ST18: variants seen among roughly 807,000 people sequenced by gnomAD.
ST18 encodes suppression of tumorigenicity 18 protein.
ST18 carries 50 observed loss-of-function variants against 110.0 expected under a neutral mutation model. The observed-to-expected ratio is 0.45, with a 90% CI of 0.36 to 0.58. The LOEUF (loss-of-function observed/expected upper bound fraction) is 0.58, where lower values mean the gene tolerates loss of function less well. ST18 is among the 20% of genes least tolerant of loss of function. The pLI, the probability that ST18 is intolerant of heterozygous loss-of-function variation, is 0.00. For missense variants in ST18, 1,306 were observed against 1,280.1 expected, an observed-to-expected ratio of 1.02 and a Z score of -0.31; for synonymous variants, 461 against 452.4, an observed-to-expected ratio of 1.02 and a Z score of -0.24.
At chr8:52,252,684 A>G (rs955219631) in intron 2 of ST18, among the ~76,000 whole-genome samples, 4 of 152,154 alleles carry the variant, frequency 2.6e-5, no homozygotes, top group Admixed American at 2.0e-4. Context: ...TACAACTAAA[A>G]AAGAGTGAAT....
intron 2 of ST18, among the ~76,000 whole-genome samples, chr8:52,309,576 A>T (rs1002148600): frequency 6.7e-6 from 1 of 149,278 alleles, no homozygotes; most frequent in Non-Finnish European, 1.5e-5. Flanking sequence ...ACTATGAAAT[A>T]TGAGTATTTT....
At chr8:52,319,919 G>A (rs1052510001) in intron 2 of ST18, among the ~76,000 whole-genome samples, 3 of 152,096 alleles carry the variant, frequency 2.0e-5, no homozygotes, top group Non-Finnish European at 2.9e-5. Flanking sequence ...ATTCCAAGAC[G>A]AACGGGTGGA....
At chr8:52,130,011 A>G (rs868617771) in intron 22 of ST18, among the ~76,000 whole-genome samples, 1 of 151,398 alleles carries the variant, frequency 6.6e-6, no homozygotes, top group Middle Eastern at 3.2e-3. Context: ...AGCCCACTGC[A>G]CTCCAGCATG....
At chr8:52,309,309 T>G (rs1315089196) in intron 2 of ST18, among the ~76,000 whole-genome samples, 3 of 151,966 alleles carry the variant, frequency 2.0e-5, no homozygotes, top group Non-Finnish European at 4.4e-5. Flanking sequence ...TCACCTGAGG[T>G]CAGGATTTCG....
chr8:52,316,031 C>T (rs2096018913), intron 2 of ST18, among the ~76,000 whole-genome samples: 1 of 152,142 alleles, frequency 6.6e-6, no homozygotes, highest in Non-Finnish European at 1.5e-5. Flanking sequence ...ATTAAAATTA[C>T]TGTGGTGTTT....
At position 52,112,587 on chromosome 8, in the gene ST18, G is replaced by A. The variant is rs1014215163; in HGVS notation, c.*611C>T. ...GATTCCCCACTAGTGGGCGCCATTT[G>A]TCTTCTTATTCCTTCCGTGCAGCTC... On this transcript the variant is annotated 3_prime_UTR_variant, in exon 26 of 26. Transcript: ENST00000689386. 2.0e-5 allele frequency: 3 copies of A among 152,594 alleles called. No homozygotes were observed. The highest frequency in any genetic ancestry group is 2.9e-5 in the Non-Finnish European group (2 of 68,046). 9.5% of individuals were successfully genotyped at this position (152,594 alleles called of 1,614,324 possible). A position where few individuals can be genotyped will look rare whatever the true frequency, so the allele number is the denominator to read the frequency against.
chr8:52,382,583 C>T (rs767534930), intron 2 of ST18, among the ~76,000 whole-genome samples: 13 of 151,894 alleles, frequency 8.6e-5, no homozygotes, highest in Non-Finnish European at 1.8e-4. Flanking sequence ...ATCGCTGAGA[C>T]ACAAAACATC....
chr8:52,333,227 C>G (rs1366784821), intron 2 of ST18, among the ~76,000 whole-genome samples: 1 of 151,694 alleles, frequency 6.6e-6, no homozygotes, highest in Non-Finnish European at 1.5e-5. Context: ...AAACGTTTCT[C>G]AAGGGAAAGT....
At chr8:52,284,939 C>A (rs1385006025) in intron 2 of ST18, among the ~76,000 whole-genome samples, 1 of 152,030 alleles carries the variant, frequency 6.6e-6, no homozygotes, top group Non-Finnish European at 1.5e-5. Context: ...CTGTCCACAT[C>A]AGAAGGCACA....
intron 2 of ST18, among the ~76,000 whole-genome samples, chr8:52,349,134 C>T (rs933385850): frequency 2.0e-5 from 3 of 152,106 alleles, no homozygotes; most frequent in African/African-American, 7.2e-5. Flanking sequence ...CTGGAGATCA[C>T]AAAGTCCTCC....
At chr8:52,222,307 AT>A (rs1214206087) in intron 3 of ST18, among the ~76,000 whole-genome samples, 1 of 152,150 alleles carries the variant, frequency 6.6e-6, no homozygotes, top group East Asian at 1.9e-4. Flanking sequence ...TTTTAATAGC[AT>A]TTCTCAAAGG....
intron 20 of ST18, 35 bp from the exon 21 acceptor site, chr8:52,133,172 T>C (rs761678683): frequency 6.2e-7 from 1 of 1,614,132 alleles, no homozygotes; most frequent in Non-Finnish European, 8.5e-7. Flanking sequence ...CAAAGCAAAA[T>C]TATGTGATCT....
At chr8:52,122,706 C>T (rs933643999) in intron 23 of ST18, among the ~76,000 whole-genome samples, 1 of 151,980 alleles carries the variant, frequency 6.6e-6, no homozygotes, top group Non-Finnish European at 1.5e-5. Context: ...CCAGGCTAGT[C>T]TTGAACTCCT....
intron 2 of ST18, among the ~76,000 whole-genome samples, chr8:52,375,830 C>T (rs181074297): frequency 1.9e-4 from 28 of 147,104 alleles, no homozygotes; most frequent in Admixed American, 1.4e-3. Flanking sequence ...AGGTCTTCAC[C>T]AGCTCCCCCG....
At chr8:52,329,211 A>G (rs1214187307) in intron 2 of ST18, among the ~76,000 whole-genome samples, 2 of 140,678 alleles carry the variant, frequency 1.4e-5, no homozygotes, top group Non-Finnish European at 3.0e-5. Context: ...ATTCCTATGC[A>G]TGTATTTATG....
intron 2 of ST18, among the ~76,000 whole-genome samples, chr8:52,321,418 A>G (rs1472047193): frequency 1.3e-5 from 2 of 152,242 alleles, no homozygotes; most frequent in Non-Finnish European, 2.9e-5. Flanking sequence ...ACCAGGAAGC[A>G]TTTTTGAAGG....
In ST18 at chr8:52,386,459, G is replaced by GT. The variant is rs899313419; in HGVS notation, c.-465+22868dup. On this transcript the variant is annotated intron_variant, in intron 2 of 25. Transcript: ENST00000689386. Reference sequence around the variant, plus strand: ...TCTGATAATTAGAAAAGGCAGTCTTGTTTTTTTTTCTTAAAAAAAAAAAAG... The same window carrying GT: ...TCTGATAATTAGAAAAGGCAGTCTTGTTTTTTTTTTCTTAAAAAAAAAAAAG... 2.4e-4 allele frequency among the ~76,000 whole-genome samples: 34 copies of GT among 141,990 alleles called. 1 individual carries two copies. The highest frequency in any genetic ancestry group is 8.2e-4 in the East Asian group (4 of 4,862). 93.2% of individuals were successfully genotyped at this position (141,990 alleles called of 152,430 possible).
chr8:52,344,405 CT>C (rs11297921), intron 2 of ST18, among the ~76,000 whole-genome samples: 143,614 of 146,602 alleles, frequency 0.98, 70,380 homozygotes, highest in East Asian at 1. Context: ...CAATAATAGC[CT>C]TTTTTTTTTT....
intron 2 of ST18, among the ~76,000 whole-genome samples, chr8:52,244,246 T>C (rs1445605698): frequency 6.6e-6 from 1 of 152,204 alleles, no homozygotes; most frequent in Non-Finnish European, 1.5e-5. Flanking sequence ...AAAAGGTCTC[T>C]ATCGAAACCC....
Sources: gnomAD v4.1 joint callset for allele counts (sites outside exome capture counted in the v4.1 genomes callset) on GRCh38, gnomAD v4.1.1 for gene constraint, MANE v1.5 for transcripts, NCBI Gene and HGNC (gene_info 2026-07-23, HGNC 2026-07-21) for gene names.